SFXN5: variants seen among roughly 807,000 people sequenced by gnomAD.
SFXN5 encodes the protein sideroflexin 5, also known as sideroflexin-5.
A neutral mutation model predicts 50.2 loss-of-function variants in SFXN5; 43 were observed. The observed-to-expected ratio is 0.86, with a 90% CI of 0.67 to 1.11. The LOEUF (loss-of-function observed/expected upper bound fraction) is 1.11. SFXN5 is among the 50% of genes least tolerant of loss of function. The probability of loss-of-function intolerance (pLI) is 0.00; values close to 1 mark genes in which losing one functional copy is unlikely to be tolerated. For missense variants in SFXN5, 463 were observed against 454.1 expected (o/e 1.02, Z -0.18); for synonymous variants, 203 against 185.8 (o/e 1.09, Z -0.75).
chr2:72,996,561 T>A (rs1049453557), intron 9 of SFXN5: 1 of 143,488 alleles, frequency 7.0e-6, no homozygotes, highest in Admixed American at 7.6e-5. Context: ...CAGTCTGGAG[T>A]GCAGGGGCAC....
intron 6 of SFXN5, among the ~76,000 whole-genome samples, 154 bp from the exon 7 acceptor site, chr2:73,001,732 G>A (rs1673942447): frequency 1.3e-5 from 2 of 152,124 alleles, no homozygotes; most frequent in Admixed American, 1.3e-4. Context: ...TTGAGGGAGA[G>A]GCTGTGTGAT....
At position 73,058,162 on chromosome 2, in the gene SFXN5, C is replaced by G. The variant is rs551914376; in HGVS notation, c.171+366G>C. 5.9e-5 allele frequency: 10 copies of G among 168,300 alleles called. No individual in the cohort carries two copies. The South Asian group carries it at 1.5e-3, about 26-fold the overall frequency. The allele number at this position is 168,300 out of a possible 1,614,324, so 10.4% of individuals were successfully genotyped here. On this transcript the variant is annotated intron_variant, in intron 2 of 13. Coordinates refer to ENST00000272433, the MANE Select transcript of SFXN5 (RefSeq NM_144579.3). ...AAGTAGGGAGGACGATTAAAGGATA[C>G]TTTTTTCTACTTAAACATATTTGTA...
intron 2 of SFXN5, among the ~76,000 whole-genome samples, chr2:73,044,143 C>A (rs1680000510): frequency 6.6e-6 from 1 of 152,226 alleles, no homozygotes; most frequent in South Asian, 2.1e-4. Context: ...CCTATAACAA[C>A]CTGGCCAGAT....
intron 3 of SFXN5, among the ~76,000 whole-genome samples, chr2:73,023,415 C>T (rs1677161941): frequency 6.6e-6 from 1 of 151,992 alleles, no homozygotes. Flanking sequence ...CCAGAGAGGT[C>T]CCAGAATGGC....
chr2:72,963,793 A>T (rs1043589291), intron 12 of SFXN5, among the ~76,000 whole-genome samples: 8 of 152,000 alleles, frequency 5.3e-5, no homozygotes, highest in Non-Finnish European at 1.2e-4. Context: ...AGCCCTCCTG[A>T]TCCAGCACAG....
intron 11 of SFXN5, among the ~76,000 whole-genome samples, chr2:72,970,023 C>T (rs911552219): frequency 1.3e-5 from 2 of 152,184 alleles, no homozygotes; most frequent in Non-Finnish European, 2.9e-5. Flanking sequence ...CCCACAGATG[C>T]CTGGAGTCCT....
intron 9 of SFXN5, among the ~76,000 whole-genome samples, chr2:72,993,259 C>T (rs747285702): frequency 3.3e-5 from 5 of 152,156 alleles, no homozygotes; most frequent in Non-Finnish European, 5.9e-5. Context: ...AAAATATCCA[C>T]CAGAGGGCAC....
chr2:73,050,555 G>A (rs912257581), intron 2 of SFXN5, among the ~76,000 whole-genome samples: 5 of 152,136 alleles, frequency 3.3e-5, no homozygotes, highest in African/African-American at 1.2e-4. Context: ...AGAATACAGT[G>A]GGCAGAGACA....
At position 72,956,515 on chromosome 2, in the gene SFXN5, G is replaced by A. The variant is rs947479189; in HGVS notation, c.945+4616C>T. ...GAAGTGGGCCTCCTCTTTCTATAGT[G>A]AGGTGTGGGTGGGCTGGGGAGGGTC... On this transcript the variant is annotated intron_variant, in intron 13 of 13. Coordinates refer to ENST00000272433, the MANE Select transcript of SFXN5 (RefSeq NM_144579.3). Among the ~76,000 whole-genome samples, 9 of 152,204 alleles carry A rather than the reference G, an allele frequency of 5.9e-5. No individual in the cohort carries two copies. The East Asian group carries it at 1.5e-3, about 26-fold the overall frequency.
chr2:73,067,027 TGACA>T (rs1045847610), intron 1 of SFXN5, among the ~76,000 whole-genome samples: 9 of 151,280 alleles, frequency 5.9e-5, no homozygotes, highest in African/African-American at 2.2e-4. Context: ...CTATTGTGGG[TGACA>T]GACAGAAACC....
At chr2:73,002,676 AACAC>A (rs140692532) in intron 6 of SFXN5, among the ~76,000 whole-genome samples, 2 of 151,920 alleles carry the variant, frequency 1.3e-5, no homozygotes, top group African/African-American at 2.4e-5. Context: ...TAAAACAGCT[AACAC>A]ACACACACAC....
At chr2:72,964,199 C>T (rs2105403058) in intron 12 of SFXN5, among the ~76,000 whole-genome samples, 1 of 152,332 alleles carries the variant, frequency 6.6e-6, no homozygotes, top group East Asian at 1.9e-4. Flanking sequence ...TCCTTCAGCA[C>T]TTGGAGCGCA....
Position 72,953,100 on chromosome 2 carries a change from C to T in SFXN5, c.946-8001G>A, listed in dbSNP as rs1282124043. 5.3e-5 allele frequency among the ~76,000 whole-genome samples: 8 copies of T among 152,122 alleles called. No homozygotes were observed. The highest frequency in any genetic ancestry group is 1.3e-4 in the Admixed American group (2 of 15,284). ...GTTCTTGCGTGCACGTGTATGTGTGCGAGCCTGTGTGCACGCGCAGGTTTG... is the reference window on the plus strand; with the variant it reads ...GTTCTTGCGTGCACGTGTATGTGTGTGAGCCTGTGTGCACGCGCAGGTTTG... On this transcript the variant is annotated intron_variant, in intron 13 of 13. Coordinates refer to ENST00000272433, the MANE Select transcript of SFXN5 (RefSeq NM_144579.3). The surrounding 1 kb of genome is among the most constrained non-coding windows in gnomAD (Gnocchi z 4.1).
At chr2:72,976,573 G>C (rs1037340298) in intron 10 of SFXN5, among the ~76,000 whole-genome samples, 2 of 152,182 alleles carry the variant, frequency 1.3e-5, no homozygotes, top group African/African-American at 4.8e-5. Flanking sequence ...AAGGAGTGGA[G>C]ATTAGAAGCA....
chr2:73,023,065 C>T (rs1465975358), intron 4 of SFXN5, 123 bp downstream of exon 4: 2 of 912,182 alleles, frequency 2.2e-6, no homozygotes, highest in Non-Finnish European at 3.3e-6. Context: ...GTGAGGGGGC[C>T]AAGGGCAAAT....
chr2:73,061,708 A>G (rs559670389), intron 1 of SFXN5, among the ~76,000 whole-genome samples: 1 of 152,348 alleles, frequency 6.6e-6, no homozygotes, highest in African/African-American at 2.4e-5. Flanking sequence ...GCCTCTGGGT[A>G]ATAGGCTTAT....
chr2:73,025,069 A>G (rs1019117999), intron 3 of SFXN5, among the ~76,000 whole-genome samples: 4 of 152,168 alleles, frequency 2.6e-5, no homozygotes, highest in Non-Finnish European at 4.4e-5. Flanking sequence ...GGGACTGATG[A>G]GTGAAAAGCC....
rs1457250207 is a variant in SFXN5, at chr2:72,998,996, A to T, written c.487T>A (p.Phe163Ile). 2 of 1,614,156 alleles carry T rather than the reference A, an allele frequency of 1.2e-6. No individual in the cohort carries two copies. The highest frequency in any genetic ancestry group is 8.5e-7 in the Non-Finnish European group (1 of 1,180,022). The change falls in exon 9 of 14, where the codon TTC becomes ATC. Residue 163 changes from phenylalanine (F) to isoleucine (I), a missense_variant. Transcript: ENST00000272433. ...ACAGCTCCCAGGTATCCCTGGATGA[A>T]CTTGGATGCAGGTGAAGGCTGGAAA... is the stretch of plus-strand genomic sequence containing the variant. ...NATKPSPASK[F>I]IQGYLGAVIS...
chr2:72,975,792 C>T (rs75235409), intron 10 of SFXN5, among the ~76,000 whole-genome samples: 1 of 152,266 alleles, frequency 6.6e-6, no homozygotes, highest in East Asian at 1.9e-4. Context: ...TAATGGAGCA[C>T]GGACATGAAA....
Sources: gnomAD v4.1 joint callset for allele counts (sites outside exome capture counted in the v4.1 genomes callset) on GRCh38, gnomAD v4.1.1 for gene constraint, Gnocchi (gnomAD v3.1) non-coding constraint, MANE v1.5 for transcripts, NCBI Gene and HGNC (gene_info 2026-07-23, HGNC 2026-07-21) for gene names.